CANT1: variants seen among roughly 807,000 people sequenced by gnomAD.
CANT1 encodes the protein calcium activated nucleotidase 1.
Under a neutral mutation model 30.0 loss-of-function variants are expected in CANT1, and 26 were observed. That is an observed-to-expected ratio of 0.87 (90% CI 0.64 to 1.20). The LOEUF is 1.20. Among genes scored for constraint, CANT1 ranks in the 50% most tolerant of loss-of-function variants. The pLI is 0.00. For synonymous variants in CANT1, 246 were observed against 251.8 expected (o/e 0.98, Z 0.22); for missense variants, 518 against 563.0 (o/e 0.92, Z 0.81).
At position 78,993,230 on chromosome 17, in the gene CANT1, A is replaced by G; in HGVS notation, c.*320T>C. 2 of 451,920 alleles carry G rather than the reference A, an allele frequency of 4.4e-6. No individual in the cohort carries two copies. The highest frequency in any genetic ancestry group is 2.2e-5 in the South Asian group (1 of 45,918). 28.0% of individuals were successfully genotyped at this position (451,920 alleles called of 1,614,324 possible). On this transcript the variant is annotated 3_prime_UTR_variant, in exon 5 of 5. Transcript: ENST00000392446. The surrounding 1 kb of genome is among the most constrained non-coding windows in gnomAD (Gnocchi z 4.5). ...TATGGTAGGAGCTCTAGGGATATTC[A>G]CTGAACAAAAGAACATAGGAAAGAA...
chr17:78,997,081 T>C lies in CANT1; in HGVS notation c.542A>G (p.Asp181Gly). 6.2e-7 allele frequency: 1 copy of C among 1,614,186 alleles called. No homozygotes were observed. Among genetic ancestry groups the C allele is most frequent in the Non-Finnish European group, 8.5e-7 (1 of 1,180,044 alleles). ...IVFNGKLYSV[D>G]DRTGVVYQIE... ...CTGGTAGACGACCCCCGTCCGGTCA[T>C]CCACGGAGTAGAGTTTCCCATTGAA... is the stretch of plus-strand genomic sequence containing the variant. Residue 181 changes from aspartate (D) to glycine (G), a missense_variant, in exon 3 of 5, where the codon GAT becomes GGT. By Grantham distance (94) the Asp-to-Gly change is moderately conservative. Around this residue, in one of 3 missense-constraint regions of CANT1, gnomAD observed 249 missense variants for 268.8 expected, o/e 0.93. Transcript: ENST00000392446. This position sits in a 1 kb window ranked among gnomAD's most constrained non-coding sequence, Gnocchi z 7.5.
In CANT1 at chr17:78,992,768, C is replaced by A; in HGVS notation, c.*782G>T. The A allele has an allele frequency of 1.7e-6, 1 of 585,494 alleles. No individual in the cohort carries two copies. Among genetic ancestry groups the A allele is most frequent in the Non-Finnish European group, 3.3e-6 (1 of 302,732 alleles). 36.3% of individuals were successfully genotyped at this position (585,494 alleles called of 1,614,324 possible). A position where few individuals can be genotyped will look rare whatever the true frequency, so the allele number is the denominator to read the frequency against. On this transcript the variant is annotated 3_prime_UTR_variant, in exon 5 of 5. Coordinates refer to ENST00000392446, the MANE Select transcript of CANT1 (RefSeq NM_001159773.2). Reference sequence around the variant, plus strand: ...CTTACAATCTCCCGCACTGCTGGAGCGGGCTGGGTAACTACAGGACTGTGC... The same window carrying A: ...CTTACAATCTCCCGCACTGCTGGAGAGGGCTGGGTAACTACAGGACTGTGC...
intron 1 of CANT1, among the ~76,000 whole-genome samples, chr17:79,000,604 A>T (rs1599234788): frequency 6.7e-6 from 1 of 150,316 alleles, no homozygotes; most frequent in Non-Finnish European, 1.5e-5. Context: ...GGGTGAACCC[A>T]CTCTGCTCCC....
Position 78,997,935 on chromosome 17 carries a change from T to C in CANT1, c.-118A>G, listed in dbSNP as rs971069810. 1 of 360,960 alleles carries C rather than the reference T, an allele frequency of 2.8e-6. No homozygotes were observed. Among genetic ancestry groups the C allele is most frequent in the Non-Finnish European group, 5.0e-6 (1 of 198,758 alleles). The allele number at this position is 360,960 out of a possible 1,614,324, so 22.4% of individuals were successfully genotyped here. On this transcript the variant is annotated 5_prime_UTR_variant, in exon 2 of 5. Transcript: ENST00000392446. This position sits in a 1 kb window ranked among gnomAD's most constrained non-coding sequence, Gnocchi z 7.5. ...TGGGAAGCTGAGTGAGGAAGGAAGT[T>C]CCATGCAGGCTGGTGCTCTGTGGTC...
intron 1 of CANT1, among the ~76,000 whole-genome samples, chr17:78,999,642 A>ATTTT (rs35755919): frequency 0.012 from 1,121 of 97,336 alleles, 78 homozygotes; most frequent in South Asian, 0.044. Context: ...CGCACAGCGA[A>ATTTT]TTTTTTTTTT....
rs2071099460 is a variant in CANT1, at chr17:78,997,956, TG to T, written c.-140del. On this transcript the variant is annotated 5_prime_UTR_variant, in exon 2 of 5. Coordinates refer to ENST00000392446, the MANE Select transcript of CANT1 (RefSeq NM_001159773.2). This position sits in a 1 kb window ranked among gnomAD's most constrained non-coding sequence, Gnocchi z 7.5. ...AAGTTCCATGCAGGCTGGTGCTCTG[TG>T]GTCCCTCTAAAGAGAGAAGCGCAGG... is the stretch of plus-strand genomic sequence containing the variant. 1 of 327,244 alleles carries T rather than the reference TG, an allele frequency of 3.1e-6. No homozygotes were observed. The highest frequency in any genetic ancestry group is 5.6e-6 in the Non-Finnish European group (1 of 177,298). 20.3% of individuals were successfully genotyped at this position (327,244 alleles called of 1,614,324 possible).
chr17:78,997,432 G>A lies in CANT1; in HGVS notation c.191C>T (p.Pro64Leu), dbSNP rs562262227. 20 of 1,607,092 alleles carry A rather than the reference G, an allele frequency of 1.2e-5. No homozygotes were observed. The highest frequency in any genetic ancestry group is 1.7e-4 in the Middle Eastern group (1 of 5,998). The change falls in exon 3 of 5, where the codon CCG (proline) becomes CTG (leucine). Residue 64 changes from proline to leucine, a missense_variant. Physicochemically the swap from Pro to Leu is moderately conservative, Grantham distance 98. Coordinates refer to ENST00000392446, the MANE Select transcript of CANT1 (RefSeq NM_001159773.2). The surrounding 1 kb of genome is among the most constrained non-coding windows in gnomAD (Gnocchi z 7.5). Reference protein sequence around the residue: ...AILWLLCSHRPAPGRPPTHNA... With the variant: ...AILWLLCSHRLAPGRPPTHNA... ...GTGGGTGGGGGGCCTGCCGGGGGCC[G>A]GGCGGTGGGAGCAGAGCAGCCAGAG...
At chr17:78,994,961 G>A in intron 4 of CANT1, 57 bp downstream of exon 4, 1 of 1,516,516 alleles carries the variant, frequency 6.6e-7, no homozygotes, top group Non-Finnish European at 8.9e-7. Context: ...GAGGAAGCAG[G>A]TTCCCAGCGA....
chr17:78,998,627 C>T lies in CANT1; in HGVS notation c.-146-664G>A, dbSNP rs1450601644. 1.3e-5 allele frequency among the ~76,000 whole-genome samples: 2 copies of T among 152,266 alleles called. No homozygotes were observed. Among genetic ancestry groups the T allele is most frequent in the East Asian group, 1.9e-4 (1 of 5,194 alleles). On this transcript the variant is annotated intron_variant, in intron 1 of 4. Transcript: ENST00000392446. This position sits in a 1 kb window ranked among gnomAD's most constrained non-coding sequence, Gnocchi z 4.5. ...CACTGCTGTCGCCAAGCCCACTTCC[C>T]GGGCATACAGCATGATGGCTCAGTG...
chr17:78,998,281 A>G lies in CANT1; in HGVS notation c.-146-318T>C, dbSNP rs1568038250. Reference sequence around the variant, plus strand: ...AAGGAGTCTCCACTTCCTCTGGGTTAGGCTCCTGCAGCATTGGAATACCAA... The same window carrying G: ...AAGGAGTCTCCACTTCCTCTGGGTTGGGCTCCTGCAGCATTGGAATACCAA... On this transcript the variant is annotated intron_variant, in intron 1 of 4. Transcript: ENST00000392446. The surrounding 1 kb of genome is among the most constrained non-coding windows in gnomAD (Gnocchi z 4.5). The G allele has an allele frequency of 6.3e-6, 1 of 158,068 alleles. No homozygotes were observed. The highest frequency in any genetic ancestry group is 2.4e-5 in the African/African-American group (1 of 41,640). The allele number at this position is 158,068 out of a possible 1,614,324, so 9.8% of individuals were successfully genotyped here.
chr17:78,997,682 C>T lies in CANT1; in HGVS notation c.-22-38G>A. ...GGAGGGAGGAGAGGAGTCAGCGCCT[C>T]CGCAAGCCCAGTCACATCTTAGTTC... On this transcript the variant is annotated intron_variant, in intron 2 of 4. Transcript: ENST00000392446. This position sits in a 1 kb window ranked among gnomAD's most constrained non-coding sequence, Gnocchi z 7.5. 1.4e-6 allele frequency: 2 copies of T among 1,480,626 alleles called. No homozygotes were observed. Among genetic ancestry groups the T allele is most frequent in the South Asian group, 1.4e-5 (1 of 70,768 alleles). 91.7% of individuals were successfully genotyped at this position (1,480,626 alleles called of 1,614,324 possible). A position where few individuals can be genotyped will look rare whatever the true frequency, so the allele number is the denominator to read the frequency against.
At chr17:79,000,913 C>T (rs536935471) in intron 1 of CANT1, among the ~76,000 whole-genome samples, 11 of 152,334 alleles carry the variant, frequency 7.2e-5, no homozygotes, top group South Asian at 4.1e-4. Context: ...CAGCACCTGA[C>T]GCACTGCCAG....
At chr17:78,994,619 GA>G (rs1196263281) in intron 4 of CANT1, among the ~76,000 whole-genome samples, 1 of 152,190 alleles carries the variant, frequency 6.6e-6, no homozygotes, top group Non-Finnish European at 1.5e-5. Flanking sequence ...AATCAAGCAA[GA>G]AACGGCCTTG....
rs760623996 is a variant in CANT1, at chr17:78,995,250, G to A, written c.632-29C>T. The A allele has an allele frequency of 6.9e-6, 11 of 1,603,648 alleles. No individual in the cohort carries two copies. Among genetic ancestry groups the A allele is most frequent in the Admixed American group, 1.7e-5 (1 of 59,466 alleles). On this transcript the variant is annotated intron_variant, in intron 3 of 4. Transcript: ENST00000392446. This position sits in a 1 kb window ranked among gnomAD's most constrained non-coding sequence, Gnocchi z 5.7. ...GCCAAGCAGAGTGTCCTTAGGCCCC[G>A]CACCCAGCTCCCGCCGCACCCCTGC...
Position 78,997,752 on chromosome 17 carries a change from T to C in CANT1, c.-23+88A>G, listed in dbSNP as rs1394277548. On this transcript the variant is annotated intron_variant, in intron 2 of 4. Transcript: ENST00000392446. This position sits in a 1 kb window ranked among gnomAD's most constrained non-coding sequence, Gnocchi z 7.5. ...AGGCTGACTTTTCCAGAAGAAACAG[T>C]ATTTCACTACTCTGTGGCCATTCTT... is the stretch of plus-strand genomic sequence containing the variant. 2.7e-5 allele frequency: 26 copies of C among 952,466 alleles called. No homozygotes were observed. The allele number at this position is 952,466 out of a possible 1,614,324, so 59.0% of individuals were successfully genotyped here.
At chr17:78,999,779 T>C (rs1422515882) in intron 1 of CANT1, among the ~76,000 whole-genome samples, 2 of 148,870 alleles carry the variant, frequency 1.3e-5, no homozygotes, top group African/African-American at 5.0e-5. Context: ...TCAGATTCCC[T>C]AGTAGCTGGG....
At position 78,992,886 on chromosome 17, in the gene CANT1, A is replaced by G. The variant is rs79189369; in HGVS notation, c.*664T>C. ...TAATTAAAACTTCAAAGTACTGCAC[A>G]GCCACAGAATTTTCTTGAAGGGAGA... On this transcript the variant is annotated 3_prime_UTR_variant, in exon 5 of 5. Transcript: ENST00000392446. 0.026 allele frequency: 9,445 copies of G among 358,128 alleles called. 160 individuals carry two copies. Among genetic ancestry groups the G allele is most frequent in the African/African-American group, 0.046 (2,265 of 49,054 alleles). 22.2% of individuals were successfully genotyped at this position (358,128 alleles called of 1,614,324 possible).
rs1361091962 is a variant in CANT1 at position 78,998,257 on chromosome 17, A to G, written c.-146-294T>C. 6.2e-6 allele frequency: 1 copy of G among 160,976 alleles called. No homozygotes were observed. Among genetic ancestry groups the G allele is most frequent in the East Asian group, 1.4e-4 (1 of 6,936 alleles). The allele number at this position is 160,976 out of a possible 1,614,324, so 10.0% of individuals were successfully genotyped here. On this transcript the variant is annotated intron_variant, in intron 1 of 4. Coordinates refer to ENST00000392446, the MANE Select transcript of CANT1 (RefSeq NM_001159773.2). The surrounding 1 kb of genome is among the most constrained non-coding windows in gnomAD (Gnocchi z 4.5). Reference sequence around the variant, plus strand: ...CCTGGAGCAGACAGATGTGCAGTAAAGGAGTCTCCACTTCCTCTGGGTTAG... The same window carrying G: ...CCTGGAGCAGACAGATGTGCAGTAAGGGAGTCTCCACTTCCTCTGGGTTAG...
Position 78,993,410 on chromosome 17 carries a change from T to C in CANT1, c.*140A>G, listed in dbSNP as rs2070901618. On this transcript the variant is annotated 3_prime_UTR_variant, in exon 5 of 5. Transcript: ENST00000392446. This position sits in a 1 kb window ranked among gnomAD's most constrained non-coding sequence, Gnocchi z 4.5. ...CGGGGGTCCAGTGCCCGCACCACTA[T>C]GGGGCCCGGGACTGGGCTCCCTGTC... The C allele has an allele frequency of 3.1e-6, 4 of 1,300,826 alleles. No homozygotes were observed. The highest frequency in any genetic ancestry group is 2.5e-5 in the East Asian group (1 of 40,642). 80.6% of individuals were successfully genotyped at this position (1,300,826 alleles called of 1,614,324 possible).
Sources: gnomAD v4.1 joint callset for allele counts (sites outside exome capture counted in the v4.1 genomes callset) on GRCh38, gnomAD v4.1.1 for gene constraint, gnomAD v4.1.1 regional missense constraint, Gnocchi (gnomAD v3.1) non-coding constraint, MANE v1.5 for transcripts, NCBI Gene and HGNC (gene_info 2026-07-23, HGNC 2026-07-21) for gene names.